The following DPP10 variants were observed in gnomAD, a reference collection of about 807,000 sequenced individuals.
DPP10 encodes dipeptidyl peptidase like 10.
Under a neutral mutation model 120.9 loss-of-function variants are expected in DPP10, and 33 were observed. The ratio of observed to expected loss-of-function variants is 0.27; its 90% CI spans 0.21 to 0.37. The LOEUF (loss-of-function observed/expected upper bound fraction) is 0.37, where lower values mean the gene tolerates loss of function less well. Among genes scored for constraint, DPP10 ranks in the 10% least tolerant of loss-of-function variants. DPP10 has a pLI of 1.00. For synonymous variants in DPP10, 337 were observed against 326.1 expected (o/e 1.03, Z -0.36); for missense variants, 816 against 942.8 (o/e 0.87, Z 1.76).
At chr2:114,456,777 C>A (rs1375220109) in intron 1 of DPP10, among the ~76,000 whole-genome samples, 3 of 152,070 alleles carry the variant, frequency 2.0e-5, no homozygotes, top group African/African-American at 7.2e-5. Context: ...TAAAATAGGG[C>A]ATAAGAGGCA....
chr2:114,685,078 A>G (rs550065764), intron 1 of DPP10, among the ~76,000 whole-genome samples: 4 of 151,934 alleles, frequency 2.6e-5, no homozygotes, highest in Non-Finnish European at 5.9e-5. Flanking sequence ...GAAGACCATT[A>G]TCCCCTCTTT....
At chr2:115,287,185 C>T (rs1331400779) in intron 1 of DPP10, among the ~76,000 whole-genome samples, 2 of 151,924 alleles carry the variant, frequency 1.3e-5, no homozygotes, top group Admixed American at 1.3e-4. Flanking sequence ...GCAGTGGAGG[C>T]TTTTGCTGAA....
At position 115,260,142 on chromosome 2, in the gene DPP10, C is replaced by T. The variant is rs570921869; in HGVS notation, c.61-49097C>T. On this transcript the variant is annotated intron_variant, in intron 1 of 25. Coordinates refer to ENST00000410059, the MANE Select transcript of DPP10 (RefSeq NM_020868.6). ...ATAACAATTATATGTATTTATTACA[C>T]ATTCTATATTATATTATATATACAT... Among the ~76,000 whole-genome samples the T allele has an allele frequency of 3.3e-5, 5 of 150,520 alleles. No homozygotes were observed. The South Asian group carries it at 8.3e-4, about 25-fold the overall frequency.
At chr2:115,173,196 G>T (rs1180240472) in intron 1 of DPP10, among the ~76,000 whole-genome samples, 2 of 152,044 alleles carry the variant, frequency 1.3e-5, no homozygotes, top group Non-Finnish European at 2.9e-5. Flanking sequence ...CAGTTCTTGA[G>T]CTGTAACAGC....
At chr2:115,198,261 C>G (rs79734827) in intron 1 of DPP10, among the ~76,000 whole-genome samples, 4,538 of 152,240 alleles carry the variant, frequency 0.03, 86 homozygotes, top group Non-Finnish European at 0.048. Flanking sequence ...GAAGCCAAGC[C>G]TCTTATAATA....
chr2:115,263,283 A>G (rs1291876474), intron 1 of DPP10, among the ~76,000 whole-genome samples: 1 of 152,196 alleles, frequency 6.6e-6, no homozygotes, highest in African/African-American at 2.4e-5. Context: ...ATAATGGGTA[A>G]AAGACTGCCC....
intron 1 of DPP10, among the ~76,000 whole-genome samples, chr2:114,978,836 A>G (rs967313510): frequency 3.9e-5 from 6 of 152,162 alleles, no homozygotes; most frequent in Non-Finnish European, 7.4e-5. Flanking sequence ...GGAATGTTTT[A>G]TGTCATGCAT....
intron 5 of DPP10, among the ~76,000 whole-genome samples, chr2:115,627,361 GA>G (rs1226813954): frequency 6.6e-6 from 1 of 152,030 alleles, no homozygotes; most frequent in Admixed American, 6.6e-5. Flanking sequence ...TCAGCTAGGG[GA>G]GGAGAGCACC....
intron 4 of DPP10, among the ~76,000 whole-genome samples, chr2:115,515,412 A>G (rs963647004): frequency 6.6e-6 from 1 of 152,014 alleles, no homozygotes; most frequent in Non-Finnish European, 1.5e-5. Flanking sequence ...AAAAGATAGA[A>G]TTTAATCCTT....
chr2:115,158,709 T>A (rs912328085), intron 1 of DPP10, among the ~76,000 whole-genome samples: 1 of 152,244 alleles, frequency 6.6e-6, no homozygotes, highest in Admixed American at 6.5e-5. Context: ...TACTGTTATA[T>A]GAATGTTATA....
At chr2:115,135,660 A>C (rs2050614279) in intron 1 of DPP10, among the ~76,000 whole-genome samples, 1 of 152,208 alleles carries the variant, frequency 6.6e-6, no homozygotes. Context: ...TGAACTGAAC[A>C]TGGAAAATCG....
intron 1 of DPP10, among the ~76,000 whole-genome samples, chr2:114,779,697 T>C (rs768065586): frequency 2.0e-5 from 3 of 152,182 alleles, no homozygotes; most frequent in Non-Finnish European, 4.4e-5. Context: ...GTGTTAAGGA[T>C]GCCCAACCTT....
intron 1 of DPP10, among the ~76,000 whole-genome samples, chr2:115,116,604 ATG>A (rs1382371791): frequency 2.0e-5 from 3 of 152,174 alleles, no homozygotes; most frequent in Non-Finnish European, 4.4e-5. Flanking sequence ...TATAATAAAA[ATG>A]TTAAGTTTCA....
intron 1 of DPP10, among the ~76,000 whole-genome samples, chr2:114,455,405 C>T (rs192113866): frequency 4.5e-4 from 68 of 151,888 alleles, no homozygotes; most frequent in African/African-American, 1.4e-3. Flanking sequence ...ATTAGCCAGG[C>T]GTGGTGTCTC....
intron 3 of DPP10, among the ~76,000 whole-genome samples, chr2:115,346,066 G>T (rs999665117): frequency 6.6e-6 from 1 of 152,142 alleles, no homozygotes; most frequent in East Asian, 1.9e-4. Context: ...CTGTCTCAAT[G>T]CCTGTAAATT....
intron 1 of DPP10, among the ~76,000 whole-genome samples, chr2:114,481,170 A>G (rs962140888): frequency 3.3e-5 from 5 of 152,094 alleles, no homozygotes; most frequent in African/African-American, 1.2e-4. Context: ...GTATTTGCAA[A>G]CTACGTATTC....
rs769817680 is a variant in DPP10, at chr2:115,845,741, G to A, written c.*3396G>A. ...AGAAATAAAATAAGAATAAATCAGT[G>A]GTTTATTTTCAGGTTCGAATAAACT... On this transcript the variant is annotated 3_prime_UTR_variant, in exon 26 of 26. Coordinates refer to ENST00000410059, the MANE Select transcript of DPP10 (RefSeq NM_020868.6). 6.6e-6 allele frequency: 1 copy of A among 152,052 alleles called. No individual in the cohort carries two copies. The highest frequency in any genetic ancestry group is 1.5e-5 in the Non-Finnish European group (1 of 68,000). 9.4% of individuals were successfully genotyped at this position (152,052 alleles called of 1,614,324 possible).
At chr2:115,112,177 A>C (rs1235193699) in intron 1 of DPP10, among the ~76,000 whole-genome samples, 1 of 152,044 alleles carries the variant, frequency 6.6e-6, no homozygotes, top group Admixed American at 6.5e-5. Context: ...CTCTTGTTAG[A>C]TAAAATCCAG....
chr2:114,931,245 A>G (rs1288235159), intron 1 of DPP10, among the ~76,000 whole-genome samples: 1 of 152,140 alleles, frequency 6.6e-6, no homozygotes, highest in Non-Finnish European at 1.5e-5. Context: ...GAAGCTGGGA[A>G]ATTTATAAGG....
Sources: allele counts gnomAD v4.1 joint callset (sites outside exome capture counted in the v4.1 genomes callset), GRCh38; gene constraint gnomAD v4.1.1; transcripts MANE v1.5; gene names NCBI Gene and HGNC (gene_info 2026-07-23, HGNC 2026-07-21).